The following NLGN4X variants were observed in gnomAD, a reference collection of about 807,000 sequenced individuals.
NLGN4X encodes the protein neuroligin 4 X-linked, also known as neuroligin-4, X-linked.
A neutral mutation model predicts 40.3 loss-of-function variants in NLGN4X; 3 were observed. The ratio of observed to expected loss-of-function variants is 0.07; its 90% CI spans 0.03 to 0.19. The LOEUF is 0.19. Ranked by LOEUF, NLGN4X falls within the 10% of genes least tolerant of loss-of-function variation. The probability of loss-of-function intolerance (pLI) is 1.00; values close to 1 mark genes in which losing one functional copy is unlikely to be tolerated. For synonymous variants in NLGN4X, 270 were observed against 306.8 expected (o/e 0.88, Z 1.25); for missense variants, 382 against 708.3 (o/e 0.54, Z 5.23).
intron 3 of NLGN4X, among the ~76,000 whole-genome samples, chrX:5,954,416 T>TA: frequency 1.5e-5 from 1 of 67,357 alleles, no homozygotes; most frequent in African/African-American, 5.2e-5. Flanking sequence ...TTTTTTTTTT[T>TA]AAGAGATGAG....
chrX:6,196,720 C>T (rs1041317799), intron 1 of NLGN4X, among the ~76,000 whole-genome samples: 5 of 110,517 alleles, frequency 4.5e-5, no homozygotes, highest in African/African-American at 1.6e-4. Flanking sequence ...CTGCAGGCCT[C>T]GGTCACCACC....
At chrX:5,951,821 G>A (rs972463715) in intron 3 of NLGN4X, among the ~76,000 whole-genome samples, 2 of 111,698 alleles carry the variant, frequency 1.8e-5, no homozygotes, top group Non-Finnish European at 1.9e-5. Flanking sequence ...CAGTTGAGGA[G>A]TAGGTTTCAA....
At chrX:6,224,111 C>A (rs1925940991) in intron 1 of NLGN4X, among the ~76,000 whole-genome samples, 2 of 112,409 alleles carry the variant, frequency 1.8e-5, no homozygotes, top group African/African-American at 3.2e-5. Flanking sequence ...ATATTTTAAC[C>A]AGATAAGCCT....
chrX:5,947,711 C>G (rs759921814), intron 3 of NLGN4X, among the ~76,000 whole-genome samples: 276 of 112,029 alleles, frequency 2.5e-3, no homozygotes, highest in South Asian at 1.0e-2. Flanking sequence ...GATGTAAAGA[C>G]ATTTCTGATG....
At chrX:6,165,522 TATTA>T (rs960750333) in intron 1 of NLGN4X, among the ~76,000 whole-genome samples, 3 of 111,901 alleles carry the variant, frequency 2.7e-5, no homozygotes, top group Non-Finnish European at 5.6e-5. Flanking sequence ...TAGCAGTCAA[TATTA>T]ATTGATATTG....
chrX:6,129,320 AC>A (rs1392622632), intron 2 of NLGN4X, among the ~76,000 whole-genome samples: 1 of 111,878 alleles, frequency 8.9e-6, no homozygotes, highest in Non-Finnish European at 1.9e-5. Context: ...ATAGAGTACT[AC>A]TAGCCATGCA....
At chrX:6,208,887 C>T (rs748429207) in intron 1 of NLGN4X, among the ~76,000 whole-genome samples, 3 of 111,861 alleles carry the variant, frequency 2.7e-5, no homozygotes, top group Non-Finnish European at 3.8e-5. Flanking sequence ...TGGGTATCTA[C>T]GCAAATAAAA....
At position 6,138,652 on chromosome X, in the gene NLGN4X, G is replaced by A. The variant is rs755959999; in HGVS notation, c.472+12343C>T. On this transcript the variant is annotated intron_variant, in intron 2 of 5. Transcript: ENST00000381095. ...ACTGGGGAGGGCAGACTCGTAAAAT[G>A]GTGATTAAATTCAACTTCTAGGAAC... 6.3e-5 allele frequency among the ~76,000 whole-genome samples: 7 copies of A among 111,472 alleles called. No homozygotes were observed. In the East Asian group the frequency reaches 2.0e-3, roughly 31 times the overall value.
intron 1 of NLGN4X, among the ~76,000 whole-genome samples, chrX:6,217,220 C>A (rs928878951): frequency 8.9e-6 from 1 of 111,758 alleles, no homozygotes; most frequent in Non-Finnish European, 1.9e-5. Context: ...TTTACATATA[C>A]AAATATATGT....
intron 3 of NLGN4X, chrX:5,991,436 A>C (rs2035681324): frequency 3.9e-6 from 2 of 516,725 alleles, no homozygotes; most frequent in African/African-American, 4.7e-5. Context: ...TCATTTCTGA[A>C]AGGGGATGCT....
intron 1 of NLGN4X, among the ~76,000 whole-genome samples, chrX:6,181,210 G>A (rs1159434252): frequency 9.0e-6 from 1 of 111,086 alleles, no homozygotes; most frequent in African/African-American, 3.3e-5. Flanking sequence ...AATTTGAGCG[G>A]TGGTACAAAG....
At chrX:6,144,500 T>G (rs1467917070) in intron 2 of NLGN4X, among the ~76,000 whole-genome samples, 6 of 111,607 alleles carry the variant, frequency 5.4e-5, no homozygotes, top group Non-Finnish European at 9.4e-5. Context: ...GTTTCTTCCA[T>G]GGGGCTAGAA....
chrX:6,151,974 G>A (rs2040176004), intron 1 of NLGN4X, among the ~76,000 whole-genome samples: 1 of 111,300 alleles, frequency 9.0e-6, no homozygotes, highest in Admixed American at 9.5e-5. Flanking sequence ...TTTTAGAGAT[G>A]GTGTCTTGCT....
chrX:5,920,485 C>T (rs1204320172), intron 3 of NLGN4X, among the ~76,000 whole-genome samples: 3 of 111,941 alleles, frequency 2.7e-5, no homozygotes, highest in African/African-American at 9.7e-5. Flanking sequence ...AAAGTTGGTC[C>T]TGGCTTTAAC....
At chrX:6,186,408 G>C (rs1282928411) in intron 1 of NLGN4X, among the ~76,000 whole-genome samples, 1 of 112,504 alleles carries the variant, frequency 8.9e-6, no homozygotes, top group Non-Finnish European at 1.9e-5. Context: ...TCAAACTTGA[G>C]CTCATTTTTA....
chrX:5,890,474 A>G lies in NLGN4X; in HGVS notation c.*2343T>C, dbSNP rs1438491841. On this transcript the variant is annotated 3_prime_UTR_variant, in exon 6 of 6. Coordinates refer to ENST00000381095, the MANE Select transcript of NLGN4X (RefSeq NM_181332.3). Reference sequence around the variant, plus strand: ...TCACAAGCCTGACGCGTTACTGTACATATTGCTAGCAGGAGACAACTGGAA... The same window carrying G: ...TCACAAGCCTGACGCGTTACTGTACGTATTGCTAGCAGGAGACAACTGGAA... 3.4e-6 allele frequency: 1 copy of G among 290,864 alleles called. No homozygotes were observed. Among genetic ancestry groups the G allele is most frequent in the East Asian group, 1.0e-4 (1 of 9,849 alleles). 24.0% of individuals were successfully genotyped at this position (290,864 alleles called of 1,213,427 possible).
At chrX:6,156,910 TAA>T (rs374144451) in intron 1 of NLGN4X, among the ~76,000 whole-genome samples, 1 of 108,877 alleles carries the variant, frequency 9.2e-6, no homozygotes, top group African/African-American at 3.3e-5. Context: ...ATGTTTAAGG[TAA>T]AAAAAAATGT....
intron 2 of NLGN4X, among the ~76,000 whole-genome samples, chrX:6,054,770 G>C (rs867010944): frequency 1.4e-4 from 15 of 110,795 alleles, no homozygotes; most frequent in South Asian, 3.9e-4. Context: ...CAATTCTCCT[G>C]CCTCAGCCTC....
At chrX:6,155,127 C>T (rs897519234) in intron 1 of NLGN4X, among the ~76,000 whole-genome samples, 13 of 110,914 alleles carry the variant, frequency 1.2e-4, no homozygotes, top group Non-Finnish European at 2.1e-4. Flanking sequence ...AAACAGGAAG[C>T]TTTGTAGATG....
Sources: allele counts gnomAD v4.1 joint callset (sites outside exome capture counted in the v4.1 genomes callset), GRCh38; gene constraint gnomAD v4.1.1; transcripts MANE v1.5; gene names NCBI Gene and HGNC (gene_info 2026-07-23, HGNC 2026-07-21).